TLE1: variants seen among roughly 807,000 people sequenced by gnomAD.
The protein encoded by TLE1 is transducin-like enhancer protein 1.
Under a neutral mutation model 89.8 loss-of-function variants are expected in TLE1, and 21 were observed. The ratio of observed to expected loss-of-function variants is 0.23; its 90% CI spans 0.17 to 0.34. The LOEUF (loss-of-function observed/expected upper bound fraction) is 0.34. Among genes scored for constraint, TLE1 ranks in the 10% least tolerant of loss-of-function variants. The probability of loss-of-function intolerance (pLI) is 1.00; values close to 1 mark genes in which losing one functional copy is unlikely to be tolerated. For synonymous variants in TLE1, 447 were observed against 407.6 expected, an observed-to-expected ratio of 1.10 and a Z score of -1.16; for missense variants, 795 against 1,031.2, an observed-to-expected ratio of 0.77 and a Z score of 3.14.
chr9:81,632,695 T>G (rs886496279), intron 8 of TLE1, among the ~76,000 whole-genome samples: 1 of 152,172 alleles, frequency 6.6e-6, no homozygotes, highest in Non-Finnish European at 1.5e-5. Context: ...TGAGTGTGAC[T>G]TAGGCTGGTG....
At chr9:81,623,912 C>A (rs1252463920) in intron 8 of TLE1, among the ~76,000 whole-genome samples, 1 of 151,970 alleles carries the variant, frequency 6.6e-6, no homozygotes, top group Non-Finnish European at 1.5e-5. Flanking sequence ...ACATTTCGTT[C>A]CTCTTCCTCC....
rs1315062167 is a variant in TLE1 at position 81,584,430 on chromosome 9, T to C, written c.2205+18A>G. On this transcript the variant is annotated intron_variant, in intron 19 of 19. Transcript: ENST00000376499. ...ACTGTGGTCAAACTGTGGATCTAGG[T>C]GAGGAGTACTTACTCACCTGGAATA... 1 of 1,613,866 alleles carries C rather than the reference T, an allele frequency of 6.2e-7. No individual in the cohort carries two copies. Among genetic ancestry groups the C allele is most frequent in the Non-Finnish European group, 8.5e-7 (1 of 1,179,866 alleles).
intron 6 of TLE1, among the ~76,000 whole-genome samples, chr9:81,642,081 CAAAA>C (rs1186844530): frequency 9.9e-6 from 1 of 101,494 alleles, no homozygotes; most frequent in Non-Finnish European, 2.1e-5. Context: ...TGGTGGGTAA[CAAAA>C]AGACAAAGAT....
chr9:81,613,107 G>C (rs1823931298), intron 12 of TLE1, among the ~76,000 whole-genome samples: 1 of 152,250 alleles, frequency 6.6e-6, no homozygotes, highest in African/African-American at 2.4e-5. Context: ...TCACGCCATT[G>C]CATTCCAGCC....
chr9:81,603,126 G>T (rs764848082), intron 14 of TLE1, among the ~76,000 whole-genome samples: 1 of 152,164 alleles, frequency 6.6e-6, no homozygotes, highest in Non-Finnish European at 1.5e-5. Flanking sequence ...CCACCTAGAG[G>T]TTCAGCCCCT....
intron 1 of TLE1, 130 bp downstream of exon 1, chr9:81,688,087 C>T (rs1834592839): frequency 8.3e-7 from 1 of 1,210,628 alleles, no homozygotes; most frequent in Non-Finnish European, 1.2e-6. Flanking sequence ...GGGCCCCAGA[C>T]CTCCCCAGCC....
intron 4 of TLE1, among the ~76,000 whole-genome samples, chr9:81,677,564 CAAAAAAA>C (rs60091510): frequency 4.9e-4 from 42 of 85,586 alleles, no homozygotes; most frequent in African/African-American, 1.9e-3. Flanking sequence ...GACTCCATCT[CAAAAAAA>C]AAAAAAAAAA....
chr9:81,675,712 T>TTGTTTTG (rs2133035385), intron 4 of TLE1, among the ~76,000 whole-genome samples: 1 of 145,752 alleles, frequency 6.9e-6, no homozygotes, highest in African/African-American at 2.7e-5. Context: ...TTTTTTGTTT[T>TTGTTTTG]TTTTTTTGAG....
intron 6 of TLE1, among the ~76,000 whole-genome samples, chr9:81,639,592 T>G (rs920642043): frequency 8.9e-4 from 132 of 148,534 alleles, no homozygotes; most frequent in East Asian, 2.4e-3. Flanking sequence ...TTTTTTGTTT[T>G]TTTTTTTTTT....
chr9:81,679,322 T>TC (rs1564077279), intron 4 of TLE1, among the ~76,000 whole-genome samples: 1 of 152,024 alleles, frequency 6.6e-6, no homozygotes, highest in African/African-American at 2.4e-5. Context: ...TCTTTTTTTT[T>TC]CCCCTGTGGA....
chr9:81,640,172 T>C (rs1326007422), intron 6 of TLE1, among the ~76,000 whole-genome samples: 1 of 152,124 alleles, frequency 6.6e-6, no homozygotes, highest in Non-Finnish European at 1.5e-5. Flanking sequence ...AGTGCTAAGG[T>C]TCACTAACTT....
At chr9:81,660,814 T>C (rs1211602286) in intron 4 of TLE1, among the ~76,000 whole-genome samples, 1 of 148,720 alleles carries the variant, frequency 6.7e-6, no homozygotes, top group African/African-American at 2.5e-5. Flanking sequence ...ATTCAAGATA[T>C]GGCCGGGCGT....
chr9:81,605,407 G>T (rs1055881086), intron 14 of TLE1, among the ~76,000 whole-genome samples: 3 of 152,046 alleles, frequency 2.0e-5, no homozygotes, highest in African/African-American at 7.2e-5. Flanking sequence ...CATTTGTATT[G>T]TATGTTACAA....
intron 4 of TLE1, among the ~76,000 whole-genome samples, chr9:81,659,936 G>A (rs1830563969): frequency 6.6e-6 from 1 of 152,098 alleles, no homozygotes; most frequent in Admixed American, 6.5e-5. Flanking sequence ...CAAATTCACT[G>A]AGAAGCTGCC....
intron 4 of TLE1, 77 bp downstream of exon 4, chr9:81,685,596 CACT>C (rs1834163225): frequency 1.4e-6 from 2 of 1,444,038 alleles, no homozygotes; most frequent in South Asian, 1.2e-5. Flanking sequence ...CCCTAGAGCC[CACT>C]ACTGAGAACA....
At chr9:81,672,628 C>T (rs147205271) in intron 4 of TLE1, among the ~76,000 whole-genome samples, 1 of 152,198 alleles carries the variant, frequency 6.6e-6, no homozygotes, top group East Asian at 1.9e-4. Context: ...AAGAAAACTA[C>T]ATGCACACAC....
Position 81,584,085 on chromosome 9 carries a change from G to T in TLE1, c.*113C>A. ...TCAAAGTAGTTTTCTGTCAAGGTTT[G>T]GAAACAGGTGTTTGTAATTTTTTTT... On this transcript the variant is annotated 3_prime_UTR_variant, in exon 20 of 20. Transcript: ENST00000376499. 2.2e-6 allele frequency: 2 copies of T among 913,282 alleles called. No homozygotes were observed. The highest frequency in any genetic ancestry group is 3.4e-6 in the Non-Finnish European group (2 of 588,992). The allele number at this position is 913,282 out of a possible 1,614,324, so 56.6% of individuals were successfully genotyped here.
In TLE1 at chr9:81,611,675, C is replaced by G. The variant is rs141997116; in HGVS notation, c.1254+94G>C. ...GTGTGGGGCTGGCTGCTCCTGCCCA[C>G]GCAGCGCAGAGAGGCCTGGCCCCAA... On this transcript the variant is annotated intron_variant, in intron 13 of 19. Transcript: ENST00000376499. 19 of 1,237,012 alleles carry G rather than the reference C, an allele frequency of 1.5e-5. No individual in the cohort carries two copies. In the Admixed American group the frequency reaches 1.7e-4, roughly 11 times the overall value. 76.6% of individuals were successfully genotyped at this position (1,237,012 alleles called of 1,614,324 possible).
At chr9:81,637,223 T>G (rs893474792) in intron 6 of TLE1, among the ~76,000 whole-genome samples, 2 of 152,100 alleles carry the variant, frequency 1.3e-5, no homozygotes, top group Non-Finnish European at 1.5e-5. Flanking sequence ...CCGGGCGTGG[T>G]GGTGCATGCC....
Sources: gnomAD v4.1 joint callset for allele counts (sites outside exome capture counted in the v4.1 genomes callset) on GRCh38, gnomAD v4.1.1 for gene constraint, MANE v1.5 for transcripts, NCBI Gene and HGNC (gene_info 2026-07-23, HGNC 2026-07-21) for gene names.